The following WWC2 variants were observed in gnomAD, a reference collection of about 807,000 sequenced individuals.
The protein encoded by WWC2 is protein WWC2.
In WWC2, 101 loss-of-function variants were observed where a neutral mutation model predicts 138.5. The observed-to-expected ratio is 0.73, with a 90% CI of 0.62 to 0.86. The LOEUF (loss-of-function observed/expected upper bound fraction) is 0.86, where lower values mean the gene tolerates loss of function less well. WWC2 is among the 40% of genes least tolerant of loss of function. The pLI, the probability that WWC2 is intolerant of heterozygous loss-of-function variation, is 0.00. For missense variants in WWC2, 1,420 were observed against 1,419.4 expected (o/e 1.00, Z -0.01); for synonymous variants, 558 against 538.4 (o/e 1.04, Z -0.50).
chr4:183,269,214 C>G, intron 15 of WWC2, 51 bp downstream of exon 15: 1 of 1,550,698 alleles, frequency 6.4e-7, no homozygotes, highest in South Asian at 1.2e-5. Context: ...ATTGGGTGGT[C>G]TGAGGATATA....
At chr4:183,126,026 G>C (rs963733752) in intron 1 of WWC2, among the ~76,000 whole-genome samples, 13 of 152,206 alleles carry the variant, frequency 8.5e-5, no homozygotes, top group African/African-American at 2.9e-4. Context: ...GGTCAGCATG[G>C]CATAACCCTT....
intron 1 of WWC2, among the ~76,000 whole-genome samples, chr4:183,185,971 G>T (rs1027852358): frequency 5.8e-5 from 8 of 138,726 alleles, no homozygotes; most frequent in African/African-American, 1.9e-4. Flanking sequence ...TTTTGGTGAC[G>T]GAGTCTCACT....
Position 183,248,833 on chromosome 4 carries a change from T to C in WWC2, c.852T>C (p.Ala284=). ...HLCLSRQTLD[A]GSQTSISGDI... ...GTCTCTCCAGACAGACCCTTGATGC[T>C]GGGTCACAAACAAGCATTTCCGGAG... The change falls in exon 7 of 23, where the codon GCT becomes GCC. Residue 284 remains alanine (A), a synonymous_variant. Coordinates refer to ENST00000403733, the MANE Select transcript of WWC2 (RefSeq NM_024949.6). 6.2e-7 allele frequency: 1 copy of C among 1,601,468 alleles called. No individual in the cohort carries two copies. Among genetic ancestry groups the C allele is most frequent in the Non-Finnish European group, 8.5e-7 (1 of 1,172,960 alleles).
intron 2 of WWC2, among the ~76,000 whole-genome samples, chr4:183,201,821 T>G (rs1289295807): frequency 6.6e-6 from 1 of 152,172 alleles, no homozygotes; most frequent in African/African-American, 2.4e-5. Flanking sequence ...CAGGAACAGG[T>G]TCTTACGTTC....
At chr4:183,176,642 C>G (rs944716580) in intron 1 of WWC2, among the ~76,000 whole-genome samples, 1 of 152,074 alleles carries the variant, frequency 6.6e-6, no homozygotes, top group Admixed American at 6.6e-5. Flanking sequence ...AGGCTGGTCT[C>G]GAACTCCTGA....
intron 1 of WWC2, among the ~76,000 whole-genome samples, chr4:183,163,897 G>A (rs1442916329): frequency 6.6e-6 from 1 of 151,966 alleles, no homozygotes; most frequent in East Asian, 1.9e-4. Flanking sequence ...AAGATTAATG[G>A]GAGTGGCTAG....
chr4:183,250,804 C>T (rs1472795880), intron 8 of WWC2, among the ~76,000 whole-genome samples: 3 of 152,140 alleles, frequency 2.0e-5, no homozygotes, highest in Non-Finnish European at 4.4e-5. Context: ...CTGCAAGAAA[C>T]AGGAATTTAT....
chr4:183,118,325 A>G (rs1466466430), intron 1 of WWC2, among the ~76,000 whole-genome samples: 1 of 152,212 alleles, frequency 6.6e-6, no homozygotes, highest in East Asian at 1.9e-4. Context: ...GTGTACAGGC[A>G]GTCACTAAAC....
At chr4:183,152,778 G>T (rs1733679818) in intron 1 of WWC2, among the ~76,000 whole-genome samples, 1 of 151,724 alleles carries the variant, frequency 6.6e-6, no homozygotes, top group South Asian at 2.1e-4. Context: ...AGCTACTCAG[G>T]AGGCTGAGGC....
At chr4:183,129,610 T>A (rs192488200) in intron 1 of WWC2, among the ~76,000 whole-genome samples, 22 of 152,352 alleles carry the variant, frequency 1.4e-4, no homozygotes, top group Admixed American at 9.2e-4. Context: ...GGTATGTTTC[T>A]TATCACTGTT....
chr4:183,118,431 A>G (rs994252774), intron 1 of WWC2, among the ~76,000 whole-genome samples: 2 of 152,056 alleles, frequency 1.3e-5, no homozygotes, highest in Non-Finnish European at 2.9e-5. Context: ...CTAGAAATAT[A>G]TTGTGTATCT....
At chr4:183,129,450 G>T (rs188947266) in intron 1 of WWC2, among the ~76,000 whole-genome samples, 7 of 152,262 alleles carry the variant, frequency 4.6e-5, no homozygotes, top group Non-Finnish European at 5.9e-5. Flanking sequence ...ATATTTTAAG[G>T]TCTGTCTTGT....
chr4:183,265,437 T>C (rs1434274084), intron 12 of WWC2, among the ~76,000 whole-genome samples: 17 of 152,206 alleles, frequency 1.1e-4, no homozygotes, highest in Admixed American at 1.1e-3. Flanking sequence ...CTGAAATGTC[T>C]CAAGGGTGTG....
chr4:183,271,331 C>T (rs1469628591), intron 16 of WWC2, 90 bp downstream of exon 16: 11 of 1,063,260 alleles, frequency 1.0e-5, no homozygotes, highest in Admixed American at 5.8e-5. Context: ...TGGAATGCTA[C>T]GAGACCAACA....
rs889273858 is a variant in WWC2, at chr4:183,279,491, C to A, written c.2563-1285C>A. Among the ~76,000 whole-genome samples the A allele has an allele frequency of 1.6e-4, 25 of 152,238 alleles. No homozygotes were observed. In the Middle Eastern group the frequency reaches 0.01, roughly 62 times the overall value. On this transcript the variant is annotated intron_variant, in intron 16 of 22. Transcript: ENST00000403733. ...GGTATCAGAATGATGCTGGCCTCAT[C>A]AAATGAGTTAGGGAGGATTCCCTCT...
chr4:183,288,909 A>T (rs763537136), intron 20 of WWC2, among the ~76,000 whole-genome samples: 3 of 152,222 alleles, frequency 2.0e-5, no homozygotes, highest in Non-Finnish European at 4.4e-5. Flanking sequence ...AAATGGAGGA[A>T]ACAGAAATGT....
intron 2 of WWC2, among the ~76,000 whole-genome samples, chr4:183,206,696 A>G (rs896472840): frequency 6.6e-6 from 1 of 152,086 alleles, no homozygotes. Context: ...TTTCTTTCAC[A>G]GCAGAGGGGT....
intron 1 of WWC2, among the ~76,000 whole-genome samples, chr4:183,136,732 C>T (rs1733126241): frequency 6.6e-6 from 1 of 152,168 alleles, no homozygotes; most frequent in Non-Finnish European, 1.5e-5. Context: ...GATATTTTTG[C>T]AAAATTTTTT....
At chr4:183,172,561 T>G (rs564039514) in intron 1 of WWC2, among the ~76,000 whole-genome samples, 1 of 149,806 alleles carries the variant, frequency 6.7e-6, no homozygotes, top group East Asian at 1.9e-4. Flanking sequence ...TTCTTGTTTT[T>G]TTTTTTTTTT....
Sources: allele counts gnomAD v4.1 joint callset (sites outside exome capture counted in the v4.1 genomes callset), GRCh38; gene constraint gnomAD v4.1.1; transcripts MANE v1.5; gene names NCBI Gene and HGNC (gene_info 2026-07-23, HGNC 2026-07-21).